Variants in EPG5 observed in about 807,000 individuals in gnomAD.
EPG5 encodes ectopic P-granules 5 autophagy tethering factor.
EPG5 carries 159 observed loss-of-function variants against 302.7 expected under a neutral mutation model. The ratio of observed to expected loss-of-function variants is 0.53; its 90% CI spans 0.46 to 0.60. The LOEUF is 0.60. Ranked by LOEUF, EPG5 falls within the 20% of genes least tolerant of loss-of-function variation. EPG5 has a pLI of 0.00. For missense variants in EPG5, 2,896 were observed against 3,092.4 expected (o/e 0.94, Z 1.51); for synonymous variants, 1,158 against 1,136.8 (o/e 1.02, Z -0.37).
intron 9 of EPG5, among the ~76,000 whole-genome samples, chr18:45,940,657 T>TGA (rs1346908491): frequency 9.2e-5 from 14 of 151,738 alleles, no homozygotes; most frequent in Non-Finnish European, 4.4e-5. Context: ...ATTAATGATG[T>TGA]GATGCCATAA....
At chr18:45,829,005 G>A in the EPG5 span, 1 of 801,586 alleles carries the variant, frequency 1.2e-6, no homozygotes, top group Non-Finnish European at 1.5e-6. Context: ...AACTGAGGAA[G>A]TCCTATCTGG....
chr18:45,803,704 T>C, the EPG5 span, among the ~76,000 whole-genome samples: 1 of 152,094 alleles, frequency 6.6e-6, no homozygotes, highest in Non-Finnish European at 1.5e-5. Flanking sequence ...ACAGCAGAGA[T>C]TGTAAGCACC....
intron 1 of EPG5, among the ~76,000 whole-genome samples, chr18:45,958,776 C>T (rs2051085407): frequency 2.0e-5 from 3 of 152,154 alleles, no homozygotes; most frequent in Non-Finnish European, 4.4e-5. Flanking sequence ...ACCAAAAGCA[C>T]AAGCAACAAA....
At chr18:45,894,207 C>T (rs550985523) in intron 27 of EPG5, among the ~76,000 whole-genome samples, 12 of 152,216 alleles carry the variant, frequency 7.9e-5, no homozygotes, top group African/African-American at 2.6e-4. Context: ...CACCTGTAAT[C>T]CTAGCACTTT....
downstream of EPG5, among the ~76,000 whole-genome samples, chr18:45,846,678 T>C (rs979782472): frequency 2.4e-4 from 36 of 152,046 alleles, no homozygotes; most frequent in African/African-American, 7.5e-4. Context: ...TAAGACAGGG[T>C]TCTTGGACCT....
intron 30 of EPG5, among the ~76,000 whole-genome samples, chr18:45,882,735 C>T (rs971336675): frequency 6.6e-6 from 1 of 152,022 alleles, no homozygotes; most frequent in Admixed American, 6.6e-5. Context: ...GGGTCGGGTG[C>T]GGTGGCTCAC....
chr18:45,927,868 G>C (rs2050311308), intron 13 of EPG5, among the ~76,000 whole-genome samples: 1 of 152,102 alleles, frequency 6.6e-6, no homozygotes, highest in Non-Finnish European at 1.5e-5. Context: ...ACCTAAGAAA[G>C]CTTCTTAGAG....
rs1387382888 is a variant in EPG5, at chr18:45,951,538, A to T, written c.1253-300T>A. On this transcript the variant is annotated intron_variant, in intron 3 of 43. Coordinates refer to ENST00000282041, the MANE Select transcript of EPG5 (RefSeq NM_020964.3). ...CAGTGGCGCAATCTTGACTCACTGC[A>T]ACCTCCGCTTCCTGCGTTCATGCCA... is the stretch of plus-strand genomic sequence containing the variant. 4.6e-5 allele frequency among the ~76,000 whole-genome samples: 7 copies of T among 151,822 alleles called. 1 individual carries two copies. The highest frequency in any genetic ancestry group is 4.6e-4 in the Admixed American group (7 of 15,234).
the EPG5 span, among the ~76,000 whole-genome samples, chr18:45,835,302 C>T: frequency 6.6e-6 from 1 of 152,128 alleles, no homozygotes. Flanking sequence ...CAGAGATGGG[C>T]ATGTGCACTA....
chr18:45,892,454 C>T (rs558800316), intron 27 of EPG5, among the ~76,000 whole-genome samples: 2 of 152,188 alleles, frequency 1.3e-5, no homozygotes, highest in Non-Finnish European at 2.9e-5. Flanking sequence ...AAAAGTTGGA[C>T]AAAGCATGTC....
rs72108364 is a variant in EPG5, at chr18:45,869,928, T to TA, written c.6225+638dup. Reference sequence around the variant, plus strand: ...TAAAAACCTAAGACAAGAGTGTAATTAAAAAAAAAAAAAAGAAGAAAAACA... The same window carrying TA: ...TAAAAACCTAAGACAAGAGTGTAATTAAAAAAAAAAAAAAAGAAGAAAAACA... On this transcript the variant is annotated intron_variant, in intron 36 of 43. Transcript: ENST00000282041. Among the ~76,000 whole-genome samples, 86 of 139,924 alleles carry TA rather than the reference T, an allele frequency of 6.1e-4. 2 individuals carry two copies. The highest frequency in any genetic ancestry group is 3.7e-3 in the Middle Eastern group (1 of 270). 91.8% of individuals were successfully genotyped at this position (139,924 alleles called of 152,430 possible).
At chr18:45,884,950 C>A (rs2049186122) in intron 29 of EPG5, 139 bp from the exon 30 acceptor site, 2 of 560,912 alleles carry the variant, frequency 3.6e-6, no homozygotes, top group Admixed American at 4.0e-5. Flanking sequence ...CAAAAGACAG[C>A]TAAAATCAAC....
chr18:45,952,428 T>A lies in EPG5; in HGVS notation c.1224A>T (p.Arg408Ser). Residue 408 changes from arginine (R) to serine (S), a missense_variant, in exon 3 of 44, where the codon AGA (arginine) becomes AGT (serine). Transcript: ENST00000282041. ...GGCCTTGCTGGTGAATTGCTGAAGATCTCAGAACAGCTGAACTACTGAGCA... is the reference window on the plus strand; with the variant it reads ...GGCCTTGCTGGTGAATTGCTGAAGAACTCAGAACAGCTGAACTACTGAGCA... ...YALLSSSAVL[R>S]SSAIHQQGRA... is the part of the protein sequence containing the mutation. 2 of 1,614,170 alleles carry A rather than the reference T, an allele frequency of 1.2e-6. No homozygotes were observed. The highest frequency in any genetic ancestry group is 2.2e-5 in the South Asian group (2 of 91,082).
At chr18:45,962,507 G>A (rs1364873734) in intron 1 of EPG5, among the ~76,000 whole-genome samples, 1 of 152,182 alleles carries the variant, frequency 6.6e-6, no homozygotes, top group Non-Finnish European at 1.5e-5. Context: ...AGAGTTGGGG[G>A]ATTTTATAGC....
chr18:45,825,446 T>C, the EPG5 span: 115 of 523,144 alleles, frequency 2.2e-4, 2 homozygotes, highest in East Asian at 1.4e-3. Flanking sequence ...GCCCTGTTTC[T>C]TTCTCACCCT....
chr18:45,938,594 C>T (rs2050590191), intron 10 of EPG5, among the ~76,000 whole-genome samples: 1 of 152,044 alleles, frequency 6.6e-6, no homozygotes, highest in South Asian at 2.1e-4. Context: ...CTAGATTATT[C>T]TATTCCCCAG....
At position 45,916,082 on chromosome 18, in the gene EPG5, T is replaced by C; in HGVS notation, c.3509A>G (p.Asp1170Gly). 6.2e-7 allele frequency: 1 copy of C among 1,614,094 alleles called. No individual in the cohort carries two copies. ...YREQPILFLM[D>G]HLCKAAFQLM... is the part of the protein sequence containing the mutation. ...CTGAAAAGCTGCTTTACACAAGTGG[T>C]CCATGAGGAAGAGGATAGGTTGTTC... The change falls in exon 19 of 44, where the codon GAC (aspartate) becomes GGC (glycine). Residue 1170 changes from aspartate (D) to glycine (G), a missense_variant. Asp to Gly is a moderately conservative substitution (Grantham distance 94). This residue lies in a region of EPG5 where 1,390 missense variants were observed against 1,430.0 expected (regional missense o/e 0.97). Transcript: ENST00000282041.
At chr18:45,870,431 A>C (rs2048843791) in intron 36 of EPG5, 136 bp downstream of exon 36, 2 of 616,086 alleles carry the variant, frequency 3.2e-6, no homozygotes, top group Admixed American at 3.3e-5. Flanking sequence ...TTCCACAGGC[A>C]CCACCGAGGC....
At chr18:45,838,988 A>G in the EPG5 span, 1 of 1,599,344 alleles carries the variant, frequency 6.3e-7, no homozygotes. Flanking sequence ...TTCCGCTTCC[A>G]TGGCGCCAGC....
Sources: allele counts gnomAD v4.1 joint callset (sites outside exome capture counted in the v4.1 genomes callset), GRCh38; gene constraint gnomAD v4.1.1; regional missense constraint gnomAD v4.1.1; transcripts MANE v1.5; gene names NCBI Gene and HGNC (gene_info 2026-07-23, HGNC 2026-07-21).